The following PPFIA1 variants were observed in gnomAD, a reference collection of about 807,000 sequenced individuals.
The protein encoded by PPFIA1 is PPFI scaffold protein A1.
In PPFIA1, 25 loss-of-function variants were observed where a neutral mutation model predicts 149.9. The observed-to-expected ratio is 0.17, with a 90% confidence interval of 0.12 to 0.23. PPFIA1 has a LOEUF of 0.23. Ranked by LOEUF, PPFIA1 falls within the 10% of genes least tolerant of loss-of-function variation. PPFIA1 has a pLI of 1.00. For missense variants in PPFIA1, 1,362 were observed against 1,506.5 expected (o/e 0.90, Z 1.59); for synonymous variants, 549 against 552.8 (o/e 0.99, Z 0.10).
At chr11:70,337,458 G>A (rs1429072459) in intron 12 of PPFIA1, 31 bp downstream of exon 12, 13 of 1,512,662 alleles carry the variant, frequency 8.6e-6, no homozygotes, top group Middle Eastern at 1.7e-4. Context: ...TCCATGAAGA[G>A]CCAAGTTGAA....
Position 70,348,431 on chromosome 11 carries a change from G to T in PPFIA1, c.2163+11G>T, listed in dbSNP as rs756116008. 8 of 1,574,448 alleles carry T rather than the reference G, an allele frequency of 5.1e-6. No individual in the cohort carries two copies. The highest frequency in any genetic ancestry group is 1.7e-5 in the Admixed American group (1 of 59,700). ...GGCGTCATGACCCTTGTACGTATCC[G>T]CCCTTTCCCTGCTGTGGCTGCCCTC... On this transcript the variant is annotated intron_variant, in intron 16 of 27. Coordinates refer to ENST00000253925, the MANE Select transcript of PPFIA1 (RefSeq NM_003626.5).
intron 17 of PPFIA1, among the ~76,000 whole-genome samples, chr11:70,354,862 G>T (rs1298576211): frequency 6.6e-6 from 1 of 152,064 alleles, no homozygotes; most frequent in African/African-American, 2.4e-5. Flanking sequence ...GTTCCAAGTT[G>T]TACTTACCAA....
At chr11:70,331,474 C>G (rs1257148525) in intron 8 of PPFIA1, among the ~76,000 whole-genome samples, 1 of 152,078 alleles carries the variant, frequency 6.6e-6, no homozygotes. Flanking sequence ...GCATGTACTC[C>G]TGGCAGCAAG....
intron 26 of PPFIA1, among the ~76,000 whole-genome samples, chr11:70,378,770 A>G (rs1464382930): frequency 1.3e-5 from 2 of 152,234 alleles, no homozygotes; most frequent in African/African-American, 4.8e-5. Context: ...GCTATTGACT[A>G]TACCAGCCAG....
At chr11:70,377,433 A>C (rs2057535784) in intron 25 of PPFIA1, among the ~76,000 whole-genome samples, 1 of 150,192 alleles carries the variant, frequency 6.7e-6, no homozygotes, top group Non-Finnish European at 1.5e-5. Flanking sequence ...CAGAGAGAAT[A>C]GAAGACCACC....
intron 2 of PPFIA1, among the ~76,000 whole-genome samples, chr11:70,304,640 A>G (rs1047878417): frequency 9.2e-5 from 14 of 152,308 alleles, no homozygotes; most frequent in African/African-American, 3.1e-4. Flanking sequence ...GGCACCTGCA[A>G]AGGACTGGGG....
At chr11:70,298,392 TC>T (rs2052235439) in intron 2 of PPFIA1, among the ~76,000 whole-genome samples, 1 of 152,224 alleles carries the variant, frequency 6.6e-6, no homozygotes, top group Admixed American at 6.5e-5. Context: ...AAATACTTGT[TC>T]CTGAAACAGT....
At position 70,355,831 on chromosome 11, in the gene PPFIA1, C is replaced by A. The variant is rs961225563; in HGVS notation, c.2488+20C>A. 1.9e-6 allele frequency: 3 copies of A among 1,597,566 alleles called. No homozygotes were observed. Among genetic ancestry groups the A allele is most frequent in the Non-Finnish European group, 2.6e-6 (3 of 1,172,982 alleles). On this transcript the variant is annotated intron_variant, in intron 18 of 27. Transcript: ENST00000253925. ...GACAAGGTTGGTTGGTTTTCCGCAC[C>A]CTTCTCAGCACCCAGGGGTCGGGGA...
intron 14 of PPFIA1, among the ~76,000 whole-genome samples, chr11:70,343,355 T>TC: frequency 6.6e-6 from 1 of 152,242 alleles, no homozygotes. Context: ...CTCTTCATCC[T>TC]CCCCCTGCCC....
chr11:70,355,791 G>T lies in PPFIA1; in HGVS notation c.2468G>T (p.Gly823Val), dbSNP rs1430031509. 6.2e-7 allele frequency: 1 copy of T among 1,612,184 alleles called. No homozygotes were observed. Among genetic ancestry groups the T allele is most frequent in the Admixed American group, 1.7e-5 (1 of 59,466 alleles). Reference protein sequence around the residue: ...KKEKGRPGQTGKEALGQAGVS... With the variant: ...KKEKGRPGQTVKEALGQAGVS... The stretch of plus-strand genomic sequence containing the variant: ...GAAAAGGGCCGACCTGGACAAACTG[G>T]CAAAGAAGCATTAGGACAAGGTTGG... The change falls in exon 18 of 28, where the codon GGC (glycine) becomes GTC (valine). Residue 823 changes from glycine (G) to valine (V), a missense_variant. This residue lies in a region of PPFIA1 where 91 missense variants were observed against 91.2 expected (regional missense o/e 1.00). Coordinates refer to ENST00000253925, the MANE Select transcript of PPFIA1 (RefSeq NM_003626.5).
chr11:70,330,074 G>T, intron 7 of PPFIA1, 99 bp from the exon 8 acceptor site: 1 of 1,147,914 alleles, frequency 8.7e-7, no homozygotes. Context: ...AATTTGATTG[G>T]AAATTTGGGA....
intron 7 of PPFIA1, among the ~76,000 whole-genome samples, chr11:70,329,079 A>G (rs1401048664): frequency 6.6e-6 from 1 of 152,108 alleles, no homozygotes; most frequent in Non-Finnish European, 1.5e-5. Context: ...GAGTCTTGTA[A>G]TTGTATGAGA....
intron 7 of PPFIA1, among the ~76,000 whole-genome samples, chr11:70,327,995 C>T (rs996216939): frequency 1.3e-5 from 2 of 152,194 alleles, no homozygotes; most frequent in Admixed American, 1.3e-4. Flanking sequence ...AGGTTCTATT[C>T]TTTGGCTACA....
intron 2 of PPFIA1, among the ~76,000 whole-genome samples, chr11:70,282,742 C>A (rs1470196102): frequency 1.3e-5 from 2 of 151,192 alleles, no homozygotes; most frequent in African/African-American, 4.9e-5. Flanking sequence ...CCATGTTAGC[C>A]AGAATGGTCG....
At chr11:70,312,931 C>G (rs1272845953) in intron 2 of PPFIA1, among the ~76,000 whole-genome samples, 1 of 152,156 alleles carries the variant, frequency 6.6e-6, no homozygotes, top group Admixed American at 6.5e-5. Flanking sequence ...GGGGACCTGT[C>G]CATGCCCACG....
At chr11:70,324,653 G>T in intron 3 of PPFIA1, 150 bp downstream of exon 3, 1 of 868,650 alleles carries the variant, frequency 1.2e-6, no homozygotes, top group Non-Finnish European at 1.8e-6. Context: ...TAGTCAGCAT[G>T]ATCACACATT....
rs1439915878 is a variant in PPFIA1, at chr11:70,330,684, C to T, written c.1077+365C>T. On this transcript the variant is annotated intron_variant, in intron 8 of 27. Coordinates refer to ENST00000253925, the MANE Select transcript of PPFIA1 (RefSeq NM_003626.5). ...TGACAAATGAAGTCTTGGTCGGATG[C>T]GGTGGCTCATGCCTGTCATTCTAAC... is the stretch of plus-strand genomic sequence containing the variant. Among the ~76,000 whole-genome samples, 9 of 152,304 alleles carry T rather than the reference C, an allele frequency of 5.9e-5. No individual in the cohort carries two copies. In the East Asian group the frequency reaches 1.5e-3, roughly 26 times the overall value.
intron 11 of PPFIA1, among the ~76,000 whole-genome samples, chr11:70,335,941 G>A (rs1255441128): frequency 1.3e-5 from 2 of 152,184 alleles, no homozygotes; most frequent in Non-Finnish European, 2.9e-5. Context: ...ATGAGAGTAG[G>A]TAAGTGGTTT....
chr11:70,349,196 A>G (rs1414518110), intron 16 of PPFIA1, among the ~76,000 whole-genome samples: 1 of 151,886 alleles, frequency 6.6e-6, no homozygotes, highest in Non-Finnish European at 1.5e-5. Flanking sequence ...GAAGCCGTGA[A>G]CAAGCCAGCT....
Sources: gnomAD v4.1 joint callset for allele counts (sites outside exome capture counted in the v4.1 genomes callset) on GRCh38, gnomAD v4.1.1 for gene constraint, gnomAD v4.1.1 regional missense constraint, MANE v1.5 for transcripts, NCBI Gene and HGNC (gene_info 2026-07-23, HGNC 2026-07-21) for gene names.